Variants in RHBDD1 observed in about 807,000 individuals in gnomAD.
RHBDD1 encodes the protein rhomboid domain containing 1.
Under a neutral mutation model 36.3 loss-of-function variants are expected in RHBDD1, and 38 were observed. The observed-to-expected ratio is 1.05, with a 90% CI of 0.81 to 1.37. RHBDD1 has a LOEUF of 1.37. Ranked by LOEUF, RHBDD1 falls within the 40% of genes most tolerant of loss-of-function variation. RHBDD1 has a pLI of 0.00. For synonymous variants in RHBDD1, 151 were observed against 136.5 expected, an observed-to-expected ratio of 1.11 and a Z score of -0.74; for missense variants, 393 against 377.6, an observed-to-expected ratio of 1.04 and a Z score of -0.34.
intron 5 of RHBDD1, among the ~76,000 whole-genome samples, chr2:226,897,470 TA>T (rs572257019): frequency 3.3e-5 from 5 of 152,150 alleles, no homozygotes; most frequent in African/African-American, 1.2e-4. Flanking sequence ...AGTGTTGCTA[TA>T]AAAAAATACC....
upstream of RHBDD1, among the ~76,000 whole-genome samples, chr2:226,831,295 T>C (rs988454189): frequency 6.6e-6 from 1 of 152,260 alleles, no homozygotes; most frequent in Non-Finnish European, 1.5e-5. Flanking sequence ...ATTTCCGTAC[T>C]TGTTACATGT....
rs548597831 is a variant in RHBDD1 at position 226,929,994 on chromosome 2, T to C, written c.856+15643T>C. 7.9e-5 allele frequency among the ~76,000 whole-genome samples: 12 copies of C among 152,052 alleles called. No individual in the cohort carries two copies. The South Asian group carries it at 1.7e-3, about 21-fold the overall frequency. On this transcript the variant is annotated intron_variant, in intron 8 of 8. Transcript: ENST00000392062. ...TACAAGGAAAACTATAAAATACTAC[T>C]CAAATAAATCATAGATGATACAAAC...
chr2:226,856,263 T>C (rs1310993008), intron 3 of RHBDD1, among the ~76,000 whole-genome samples: 1 of 152,212 alleles, frequency 6.6e-6, no homozygotes, highest in East Asian at 1.9e-4. Flanking sequence ...TTTTGAAATG[T>C]ATTCATGTAT....
the RHBDD1 span, among the ~76,000 whole-genome samples, chr2:226,823,367 T>C: frequency 6.6e-6 from 1 of 152,172 alleles, no homozygotes; most frequent in Non-Finnish European, 1.5e-5. Flanking sequence ...CACAGTCAAT[T>C]TGCACTGTTT....
intron 8 of RHBDD1, among the ~76,000 whole-genome samples, chr2:226,958,435 T>G (rs994692080): frequency 1.3e-5 from 2 of 152,134 alleles, no homozygotes; most frequent in African/African-American, 4.8e-5. Flanking sequence ...AGTTTCTGTT[T>G]GGGGGTGATA....
chr2:226,970,866 T>C (rs1186680984), intron 8 of RHBDD1, among the ~76,000 whole-genome samples: 2 of 152,164 alleles, frequency 1.3e-5, no homozygotes, highest in Non-Finnish European at 2.9e-5. Flanking sequence ...GTGCCCATCA[T>C]GTGGGGACAT....
chr2:226,970,391 C>CCTTTTTAACCTTTT (rs1559324373), intron 8 of RHBDD1, among the ~76,000 whole-genome samples: 39 of 152,094 alleles, frequency 2.6e-4, no homozygotes, highest in African/African-American at 8.2e-4. Context: ...CTAAAATAAG[C>CCTTTTTAACCTTTT]TTTTTTCCCC....
chr2:226,847,308 G>A (rs557277683), intron 3 of RHBDD1, among the ~76,000 whole-genome samples: 3 of 152,118 alleles, frequency 2.0e-5, no homozygotes, highest in East Asian at 3.9e-4. Flanking sequence ...TATGGTAACA[G>A]CACATGCATG....
intron 5 of RHBDD1, among the ~76,000 whole-genome samples, chr2:226,906,253 A>C (rs995355352): frequency 6.6e-6 from 1 of 152,168 alleles, no homozygotes; most frequent in African/African-American, 2.4e-5. Context: ...GAGTGACTGA[A>C]ACATACACAT....
At chr2:226,947,114 C>T (rs1439878333) in intron 8 of RHBDD1, among the ~76,000 whole-genome samples, 2 of 151,782 alleles carry the variant, frequency 1.3e-5, no homozygotes, top group Non-Finnish European at 2.9e-5. Flanking sequence ...TAATTAGATC[C>T]CATTTGTCAA....
At chr2:226,952,292 GGT>G (rs1951479663) in intron 8 of RHBDD1, among the ~76,000 whole-genome samples, 1 of 110,212 alleles carries the variant, frequency 9.1e-6, no homozygotes, top group African/African-American at 3.4e-5. Context: ...GTTTTGGTTT[GGT>G]TTTTTTTTTT....
At chr2:226,906,919 G>A (rs778462109) in intron 6 of RHBDD1, 38 bp downstream of exon 6, 2 of 1,603,526 alleles carry the variant, frequency 1.2e-6, no homozygotes, top group South Asian at 2.2e-5. Flanking sequence ...CAACAGCTTG[G>A]AAGTTCATGT....
At chr2:226,850,740 T>C (rs77281798) in intron 3 of RHBDD1, among the ~76,000 whole-genome samples, 6 of 152,314 alleles carry the variant, frequency 3.9e-5, no homozygotes, top group Admixed American at 2.0e-4. Context: ...CTGAGGTCCC[T>C]TGTAGATTCC....
At chr2:226,867,900 G>T (rs1238478989) in intron 5 of RHBDD1, among the ~76,000 whole-genome samples, 3 of 151,990 alleles carry the variant, frequency 2.0e-5, no homozygotes, top group Non-Finnish European at 4.4e-5. Flanking sequence ...TATATTTTTA[G>T]TAGAGTTGGG....
chr2:226,887,797 A>T (rs779426142), intron 5 of RHBDD1, among the ~76,000 whole-genome samples: 40 of 152,262 alleles, frequency 2.6e-4, no homozygotes, highest in Non-Finnish European at 5.0e-4. Flanking sequence ...GCTCTTTTGT[A>T]TTGAATGTGC....
intron 3 of RHBDD1, among the ~76,000 whole-genome samples, chr2:226,845,169 C>T (rs1353037960): frequency 6.6e-6 from 1 of 152,090 alleles, no homozygotes; most frequent in African/African-American, 2.4e-5. Context: ...ATTTGTTATA[C>T]TTTTTAAAAA....
intron 5 of RHBDD1, among the ~76,000 whole-genome samples, chr2:226,874,251 A>G (rs1316231701): frequency 1.3e-5 from 2 of 152,206 alleles, no homozygotes; most frequent in African/African-American, 4.8e-5. Flanking sequence ...GGACAGTGCC[A>G]TTACCTAGGA....
chr2:226,974,739 G>C (rs1344068105), intron 8 of RHBDD1, among the ~76,000 whole-genome samples: 1 of 152,202 alleles, frequency 6.6e-6, no homozygotes, highest in South Asian at 2.1e-4. Flanking sequence ...GCACCCAAGA[G>C]CAGGGTGGAT....
chr2:226,847,264 C>G (rs981078121), intron 3 of RHBDD1, among the ~76,000 whole-genome samples: 1 of 152,186 alleles, frequency 6.6e-6, no homozygotes, highest in East Asian at 1.9e-4. Context: ...CTAGTTACTT[C>G]TACTTCCCTA....
Sources: allele counts gnomAD v4.1 joint callset (sites outside exome capture counted in the v4.1 genomes callset), GRCh38; gene constraint gnomAD v4.1.1; transcripts MANE v1.5; gene names NCBI Gene and HGNC (gene_info 2026-07-23, HGNC 2026-07-21).